Variants in UNC5C observed in about 807,000 individuals in gnomAD.
UNC5C encodes unc-5 netrin receptor C.
A neutral mutation model predicts 99.8 loss-of-function variants in UNC5C; 47 were observed. The ratio of observed to expected loss-of-function variants is 0.47; its 90% CI spans 0.37 to 0.60. The LOEUF (loss-of-function observed/expected upper bound fraction) is 0.60, where lower values mean the gene tolerates loss of function less well. UNC5C is among the 20% of genes least tolerant of loss of function. The pLI is 0.00. For missense variants in UNC5C, 1,062 were observed against 1,165.9 expected (o/e 0.91, Z 1.30); for synonymous variants, 487 against 452.2 (o/e 1.08, Z -0.98).
chr4:95,506,571 A>T (rs1213899748), intron 1 of UNC5C, among the ~76,000 whole-genome samples: 1 of 152,012 alleles, frequency 6.6e-6, no homozygotes, highest in African/African-American at 2.4e-5. Flanking sequence ...TTTTTAAAAA[A>T]GTCGTCATGT....
intron 1 of UNC5C, among the ~76,000 whole-genome samples, chr4:95,427,117 G>T (rs2149458844): frequency 6.6e-6 from 1 of 152,144 alleles, no homozygotes; most frequent in East Asian, 1.9e-4. Flanking sequence ...AGATGTGGTG[G>T]AACTAGCAAG....
intron 14 of UNC5C, among the ~76,000 whole-genome samples, chr4:95,171,493 G>T (rs1736108025): frequency 6.6e-6 from 1 of 151,530 alleles, no homozygotes; most frequent in Admixed American, 6.6e-5. Flanking sequence ...GCAGTGTTTG[G>T]TTTTTTGTTC....
chr4:95,385,077 C>G (rs1051489167), intron 1 of UNC5C, among the ~76,000 whole-genome samples: 1 of 152,026 alleles, frequency 6.6e-6, no homozygotes, highest in Non-Finnish European at 1.5e-5. Context: ...ATCCTCCAGA[C>G]TGAGGTGAAA....
At chr4:95,528,493 A>T (rs1202056133) in intron 1 of UNC5C, among the ~76,000 whole-genome samples, 2 of 152,308 alleles carry the variant, frequency 1.3e-5, no homozygotes, top group East Asian at 3.9e-4. Context: ...AAATCCAAAC[A>T]AGTTTTAAAA....
chr4:95,401,880 T>C (rs77273627), intron 1 of UNC5C, among the ~76,000 whole-genome samples: 2,671 of 152,244 alleles, frequency 0.018, 88 homozygotes, highest in African/African-American at 0.06. Context: ...AGATTTCTAA[T>C]TGAAAGCTCA....
In UNC5C at chr4:95,540,333, T is replaced by G. The variant is rs1722888595; in HGVS notation, c.124+8401A>C. ...ACTGATCTAGGGTCTCTATTCCGGA[T>G]AGCACAAATAAATCATTTGAACATG... is the stretch of plus-strand genomic sequence containing the variant. On this transcript the variant is annotated intron_variant, in intron 1 of 15. Transcript: ENST00000453304. Among the ~76,000 whole-genome samples the G allele has an allele frequency of 3.3e-5, 5 of 152,310 alleles. No individual in the cohort carries two copies. In the South Asian group the frequency reaches 1.0e-3, roughly 32 times the overall value.
At chr4:95,258,563 A>AAAGG (rs1477211038) in intron 4 of UNC5C, among the ~76,000 whole-genome samples, 6 of 152,082 alleles carry the variant, frequency 3.9e-5, no homozygotes, top group Admixed American at 1.3e-4. Flanking sequence ...GTGGTTCAGT[A>AAAGG]ACTATAGTCC....
At chr4:95,449,027 A>G (rs1335268159) in intron 1 of UNC5C, among the ~76,000 whole-genome samples, 1 of 152,034 alleles carries the variant, frequency 6.6e-6, no homozygotes, top group African/African-American at 2.4e-5. Context: ...CTCCCCACAC[A>G]TCCCCACATA....
intron 9 of UNC5C, among the ~76,000 whole-genome samples, chr4:95,217,594 A>G (rs774393764): frequency 2.6e-5 from 4 of 152,240 alleles, no homozygotes; most frequent in Non-Finnish European, 5.9e-5. Flanking sequence ...TATGTTGATC[A>G]CCATTGCCTA....
chr4:95,242,327 T>C, intron 7 of UNC5C, 102 bp downstream of exon 7: 1 of 1,468,046 alleles, frequency 6.8e-7, no homozygotes, highest in Non-Finnish European at 9.2e-7. Context: ...TGCATTTTAT[T>C]GTTGTTGAAA....
chr4:95,403,999 A>C (rs562639939), intron 1 of UNC5C, among the ~76,000 whole-genome samples: 3 of 152,084 alleles, frequency 2.0e-5, no homozygotes, highest in Non-Finnish European at 4.4e-5. Context: ...CAGTCAATAG[A>C]CTCTAAAGGC....
At chr4:95,200,126 C>A (rs1737597485) in intron 12 of UNC5C, among the ~76,000 whole-genome samples, 1 of 152,206 alleles carries the variant, frequency 6.6e-6, no homozygotes, top group African/African-American at 2.4e-5. Context: ...CCTCTACAGT[C>A]TTTTCCCCTG....
intron 1 of UNC5C, among the ~76,000 whole-genome samples, chr4:95,441,651 T>C (rs565072010): frequency 1.8e-3 from 280 of 152,280 alleles, no homozygotes; most frequent in African/African-American, 6.5e-3. Flanking sequence ...GTAATACATA[T>C]ATATACATAG....
chr4:95,256,714 A>ATAAATATATATATATATATATATG, intron 4 of UNC5C, among the ~76,000 whole-genome samples: 1 of 127,302 alleles, frequency 7.9e-6, no homozygotes, highest in Non-Finnish European at 1.8e-5. Context: ...ATATATATAT[A>ATAAATATATATATATATATATATG]TATATATGAG....
At chr4:95,279,503 G>T (rs1190526733) in intron 3 of UNC5C, among the ~76,000 whole-genome samples, 2 of 152,090 alleles carry the variant, frequency 1.3e-5, no homozygotes, top group Non-Finnish European at 2.9e-5. Context: ...TGTTTTAATG[G>T]TTTGGCTTTA....
At chr4:95,542,502 C>A (rs1360976078) in intron 1 of UNC5C, among the ~76,000 whole-genome samples, 1 of 152,104 alleles carries the variant, frequency 6.6e-6, no homozygotes, top group Non-Finnish European at 1.5e-5. Context: ...GTCATGGCAA[C>A]TTTAACACTA....
chr4:95,303,624 C>T (rs1054959943), intron 2 of UNC5C, among the ~76,000 whole-genome samples: 2 of 152,104 alleles, frequency 1.3e-5, no homozygotes, highest in African/African-American at 4.8e-5. Flanking sequence ...TGCAGTGAGC[C>T]GAGATCGCAC....
intron 4 of UNC5C, among the ~76,000 whole-genome samples, chr4:95,262,725 GC>G (rs1740288258): frequency 6.6e-6 from 1 of 152,032 alleles, no homozygotes; most frequent in Admixed American, 6.6e-5. Flanking sequence ...AAATTTTTAT[GC>G]CTAAAATTTA....
chr4:95,188,534 T>C (rs1264568924), intron 12 of UNC5C, among the ~76,000 whole-genome samples: 2 of 152,228 alleles, frequency 1.3e-5, no homozygotes, highest in Admixed American at 6.5e-5. Context: ...GGCTTTGTCT[T>C]GTGTTACCAT....
Sources: allele counts gnomAD v4.1 joint callset (sites outside exome capture counted in the v4.1 genomes callset), GRCh38; gene constraint gnomAD v4.1.1; transcripts MANE v1.5; gene names NCBI Gene and HGNC (gene_info 2026-07-23, HGNC 2026-07-21).